MACF1: variants seen among roughly 807,000 people sequenced by gnomAD.
The protein encoded by MACF1 is microtubule-actin cross-linking factor 1.
In MACF1, 193 loss-of-function variants were observed where a neutral mutation model predicts 854.8. The observed-to-expected ratio is 0.23, with a 90% CI of 0.20 to 0.25. MACF1 has a LOEUF of 0.25. Ranked by LOEUF, MACF1 falls within the 10% of genes least tolerant of loss-of-function variation. The pLI, the probability that MACF1 is intolerant of heterozygous loss-of-function variation, is 1.00. For synonymous variants in MACF1, 3,185 were observed against 3,226.7 expected, an observed-to-expected ratio of 0.99 and a Z score of 0.44; for missense variants, 7,722 against 8,929.1, an observed-to-expected ratio of 0.86 and a Z score of 5.45.
chr1:39,445,882 C>T (rs1644219459), intron 80 of MACF1, among the ~76,000 whole-genome samples: 2 of 152,164 alleles, frequency 1.3e-5, no homozygotes, highest in African/African-American at 4.8e-5. Flanking sequence ...CTCACTTGAG[C>T]CTGGAGGGTT....
At chr1:39,161,793 G>T (rs996263958) in intron 2 of MACF1, among the ~76,000 whole-genome samples, 2 of 152,004 alleles carry the variant, frequency 1.3e-5, no homozygotes, top group African/African-American at 4.8e-5. Flanking sequence ...TGTGAACCCG[G>T]GAGGCAGAGC....
intron 50 of MACF1, 48 bp from the exon 51 acceptor site, chr1:39,369,982 A>G (rs775264427): frequency 1.3e-6 from 2 of 1,560,386 alleles, no homozygotes; most frequent in East Asian, 2.3e-5. Flanking sequence ...GCTCAAGTTG[A>G]CTTTATAAAA....
rs377349415 is a variant in MACF1, at chr1:39,151,530, C to T, written c.220+67092C>T. Among the ~76,000 whole-genome samples, 156 of 152,338 alleles carry T rather than the reference C, an allele frequency of 1.0e-3. 1 individual carries two copies. Among genetic ancestry groups the T allele is most frequent in the African/African-American group, 3.6e-3 (150 of 41,584 alleles). ...TTCTTCCGAAGTAGAAAGCACCCTA[C>T]ATTCTAGCCATATTAAATTGAGTTG... On this transcript the variant is annotated intron_variant, in intron 2 of 93. Coordinates refer to the MACF1 transcript ENST00000361689.
In MACF1 at chr1:39,176,066, C is replaced by T. The variant is rs566585215; in HGVS notation, c.221-55116C>T. ...CGGAGCTTGCAGTGAGCTGAGATTGCGCCACTGTACTCCAGCCTGGGCGAC... is the reference window on the plus strand; with the variant it reads ...CGGAGCTTGCAGTGAGCTGAGATTGTGCCACTGTACTCCAGCCTGGGCGAC... On this transcript the variant is annotated intron_variant, in intron 2 of 93. Transcript: ENST00000361689. Among the ~76,000 whole-genome samples the T allele has an allele frequency of 1.6e-4, 22 of 133,924 alleles. 2 individuals carry two copies. The East Asian group carries it at 4.5e-3, about 28-fold the overall frequency. The allele number at this position is 133,924 out of a possible 152,430, so 87.9% of individuals were successfully genotyped here.
At chr1:39,263,715 T>G (rs1645192058) in intron 6 of MACF1, among the ~76,000 whole-genome samples, 1 of 151,992 alleles carries the variant, frequency 6.6e-6, no homozygotes, top group Admixed American at 6.5e-5. Flanking sequence ...TATGTCTTTA[T>G]ATTTGACACA....
rs1240690189 is a variant in MACF1, at chr1:39,483,104, AAAAAAAAAC to A, written c.22282-1495_22282-1487del. Among the ~76,000 whole-genome samples, 183 of 137,186 alleles carry A rather than the reference AAAAAAAAAC, an allele frequency of 1.3e-3. 4 individuals are homozygous for A. Among genetic ancestry groups the A allele is most frequent in the East Asian group, 5.0e-3 (12 of 2,410 alleles). 90.0% of individuals were successfully genotyped at this position (137,186 alleles called of 152,430 possible). On this transcript the variant is annotated intron_variant, in intron 99 of 100. Transcript: ENST00000564288. ...TCTGTCTCAAAAAAAAAAAAAAAAA[AAAAAAAAAC>A]ACCCACACATTTAAAATACTCTTTT...
At chr1:39,221,412 CCTTAT>C (rs1458934352) in intron 1 of MACF1, among the ~76,000 whole-genome samples, 1 of 152,170 alleles carries the variant, frequency 6.6e-6, no homozygotes, top group African/African-American at 2.4e-5. Context: ...AACTCCAATT[CCTTAT>C]CTTCAGTTCT....
chr1:39,412,899 T>C (rs1200826276), intron 58 of MACF1: 1 of 1,608,906 alleles, frequency 6.2e-7, no homozygotes, highest in Admixed American at 1.7e-5. Context: ...TAGTGCCCTT[T>C]CCACATGAGG....
intron 2 of MACF1, among the ~76,000 whole-genome samples, chr1:39,144,112 G>T (rs12043260): frequency 0.65 from 88,304 of 135,936 alleles, 28,316 homozygotes; most frequent in South Asian, 0.73. Flanking sequence ...ACGGAGTCTT[G>T]CTCTGTTGCC....
intron 2 of MACF1, among the ~76,000 whole-genome samples, chr1:39,109,761 C>G (rs750753239): frequency 3.9e-5 from 6 of 152,126 alleles, no homozygotes; most frequent in Non-Finnish European, 7.3e-5. Context: ...GAGCCAGGCT[C>G]CAGATTTCTG....
chr1:39,275,870 C>CT (rs1012471026), intron 6 of MACF1, among the ~76,000 whole-genome samples: 13 of 151,956 alleles, frequency 8.6e-5, no homozygotes, highest in African/African-American at 2.9e-4. Context: ...TTAGATCCCT[C>CT]TAGCTGGGCA....
At position 39,323,683 on chromosome 1, in the gene MACF1, A is replaced by G. The variant is rs1247776620; in HGVS notation, c.4237-510A>G. Among the ~76,000 whole-genome samples the G allele has an allele frequency of 4.6e-5, 7 of 152,014 alleles. No individual in the cohort carries two copies. The East Asian group carries it at 1.3e-3, about 29-fold the overall frequency. On this transcript the variant is annotated intron_variant, in intron 33 of 100. Coordinates refer to ENST00000564288, the MANE Select transcript of MACF1 (RefSeq NM_001394062.1). ...ATGTCATCTGTTTGTAACTGTAAAA[A>G]TCTTCTGTCTTTGTAAAATAAGTTT...
rs192201614 is a variant in MACF1 at position 39,357,671 on chromosome 1, C to G, written c.11721C>G (p.Gly3907=). The G allele has an allele frequency of 4.2e-4, 675 of 1,614,128 alleles. 8 individuals carry two copies. In the South Asian group the frequency reaches 5.8e-3, roughly 14 times the overall value. The change falls in exon 45 of 101, where the codon GGC becomes GGG. Residue 3907 remains glycine (G), a synonymous_variant. Coordinates refer to ENST00000564288, the MANE Select transcript of MACF1 (RefSeq NM_001394062.1). ...AGCTGGAGAACATGCATAAGGGAGGCAGCAGCCCCGAGACCCTTCCCTCCC... is the reference window on the plus strand; with the variant it reads ...AGCTGGAGAACATGCATAAGGGAGGGAGCAGCCCCGAGACCCTTCCCTCCC... ...EKELENMHKG[G]SSPETLPSLL...
chr1:39,369,963 C>G, intron 50 of MACF1, 67 bp from the exon 51 acceptor site: 1 of 1,433,404 alleles, frequency 7.0e-7, no homozygotes, highest in East Asian at 2.3e-5. Flanking sequence ...ACAGAATGAA[C>G]TACTCTTAGC....
At chr1:39,107,547 C>T (rs7555014) in intron 2 of MACF1, among the ~76,000 whole-genome samples, 1 of 152,058 alleles carries the variant, frequency 6.6e-6, no homozygotes, top group Non-Finnish European at 1.5e-5. Context: ...CCCACTGCAC[C>T]GTTCTCACTG....
At chr1:39,289,769 G>T (rs1160886139) in intron 15 of MACF1, among the ~76,000 whole-genome samples, 1 of 125,844 alleles carries the variant, frequency 7.9e-6, no homozygotes, top group East Asian at 2.6e-4. Flanking sequence ...GTGCAATGGC[G>T]CAATCTCGGC....
chr1:39,416,364 C>T (rs536887547), intron 58 of MACF1, among the ~76,000 whole-genome samples: 149 of 151,754 alleles, frequency 9.8e-4, no homozygotes, highest in Non-Finnish European at 1.9e-3. Flanking sequence ...GAATATTTCA[C>T]ACCAGGCACA....
In MACF1 at chr1:39,358,707, T is replaced by C; in HGVS notation, c.11954T>C (p.Leu3985Ser). 3 of 1,614,086 alleles carry C rather than the reference T, an allele frequency of 1.9e-6. No individual in the cohort carries two copies. The East Asian group carries it at 6.7e-5, about 36-fold the overall frequency. ...CTTTCTCTGGCACAGTGTACACGAT[T>C]AGGATCTCACCTGAATATGCTGTTA... ...YTALHSKCTR[L>S]GSHLNMLLGQ... is the part of the protein sequence containing the mutation. The change falls in exon 46 of 101, where the codon TTA (leucine) becomes TCA (serine). Residue 3985 changes from leucine to serine, a missense_variant. Around this residue, in one of 15 missense-constraint regions of MACF1, gnomAD observed 2,807 missense variants for 3,235.8 expected, o/e 0.87. Coordinates refer to ENST00000564288, the MANE Select transcript of MACF1 (RefSeq NM_001394062.1).
intron 58 of MACF1, 144 bp downstream of exon 58, chr1:39,388,802 C>T (rs1641898167): frequency 1.7e-6 from 1 of 602,982 alleles, no homozygotes; most frequent in Admixed American, 4.0e-5. Context: ...TGTCTGAAGA[C>T]TAAATAGTCT....
Sources: allele counts gnomAD v4.1 joint callset (sites outside exome capture counted in the v4.1 genomes callset), GRCh38; gene constraint gnomAD v4.1.1; regional missense constraint gnomAD v4.1.1; transcripts MANE v1.5; gene names NCBI Gene and HGNC (gene_info 2026-07-23, HGNC 2026-07-21).